The following MAPRE2 variants were observed in gnomAD, a reference collection of about 807,000 sequenced individuals.
MAPRE2 encodes the protein microtubule associated protein RP/EB family member 2, also known as microtubule-associated protein RP/EB family member 2.
MAPRE2 carries 13 observed loss-of-function variants against 43.2 expected under a neutral mutation model. The ratio of observed to expected loss-of-function variants is 0.30; its 90% CI spans 0.20 to 0.48. The LOEUF (loss-of-function observed/expected upper bound fraction) is 0.48. Ranked by LOEUF, MAPRE2 falls within the 20% of genes least tolerant of loss-of-function variation. MAPRE2 has a pLI of 0.99. For synonymous variants in MAPRE2, 135 were observed against 148.8 expected (o/e 0.91, Z 0.68); for missense variants, 161 against 400.2 (o/e 0.40, Z 5.10).
intron 1 of MAPRE2, among the ~76,000 whole-genome samples, chr18:35,002,674 C>A (rs1264936013): frequency 1.3e-5 from 2 of 151,868 alleles, no homozygotes; most frequent in African/African-American, 2.4e-5. Flanking sequence ...ATGTTGTATA[C>A]CATTTAATAT....
chr18:34,977,458 G>A (rs545772596), intron 1 of MAPRE2, among the ~76,000 whole-genome samples: 1 of 152,332 alleles, frequency 6.6e-6, no homozygotes, highest in East Asian at 1.9e-4. Context: ...GTGAAGGAGG[G>A]GGGCTCGCGA....
intron 4 of MAPRE2, among the ~76,000 whole-genome samples, chr18:35,111,602 A>G (rs973631222): frequency 1.3e-5 from 2 of 152,202 alleles, no homozygotes; most frequent in Non-Finnish European, 2.9e-5. Context: ...TTAGAGTCCA[A>G]GGGAAAAATA....
At chr18:35,039,762 T>C (rs1249677534), upstream of MAPRE2, among the ~76,000 whole-genome samples, 1 of 152,220 alleles carries the variant, frequency 6.6e-6, no homozygotes, top group African/African-American at 2.4e-5. Context: ...TATCACAAAA[T>C]GATAAAGCTG....
intron 1 of MAPRE2, among the ~76,000 whole-genome samples, chr18:34,991,993 A>G (rs1185509725): frequency 6.6e-6 from 1 of 152,000 alleles, no homozygotes; most frequent in African/African-American, 2.4e-5. Context: ...AGCTGTGTGA[A>G]TTTTTTCGTT....
In MAPRE2 at chr18:35,127,092, T is replaced by C. The variant is rs755535380; in HGVS notation, c.750+5T>C. The C allele has an allele frequency of 1.9e-6, 3 of 1,613,956 alleles. No homozygotes were observed. Among genetic ancestry groups the C allele is most frequent in the Non-Finnish European group, 2.5e-6 (3 of 1,179,994 alleles). The stretch of plus-strand genomic sequence containing the variant: ...GTCATACAGCTTAATGAACAGGTAA[T>C]GCATCAGCTCTGGCCACGCCTCTAG... On this transcript the variant is annotated splice_donor_5th_base_variant and intron_variant, in intron 5 of 6. Transcript: ENST00000300249.
intron 1 of MAPRE2, among the ~76,000 whole-genome samples, chr18:35,000,850 C>T (rs946408576): frequency 2.0e-5 from 3 of 152,112 alleles, no homozygotes; most frequent in African/African-American, 2.4e-5. Context: ...TGTGTGTTGG[C>T]GATTAAAATT....
chr18:35,117,422 G>A (rs1178781453), intron 4 of MAPRE2, among the ~76,000 whole-genome samples: 1 of 152,228 alleles, frequency 6.6e-6, no homozygotes, highest in African/African-American at 2.4e-5. Flanking sequence ...GTCAACAGGG[G>A]TTCTGACTGG....
intron 4 of MAPRE2, among the ~76,000 whole-genome samples, chr18:35,114,914 A>G (rs750972676): frequency 6.6e-6 from 1 of 152,230 alleles, no homozygotes; most frequent in Non-Finnish European, 1.5e-5. Context: ...GCCTAGCTGT[A>G]AACCTCGCCA....
rs926686182 is a variant in MAPRE2, at chr18:35,142,535, T to TAAAC, written c.*2168_*2171dup. On this transcript the variant is annotated 3_prime_UTR_variant, in exon 7 of 7. Coordinates refer to ENST00000300249, the MANE Select transcript of MAPRE2 (RefSeq NM_014268.4). ...TCCAGCTCCCCAGCCTTCTCAGTTA[T>TAAAC]AAACATGCTGGCCAGATCTCTTAGC... 2.6e-5 allele frequency: 4 copies of TAAAC among 152,446 alleles called. No individual in the cohort carries two copies. The highest frequency in any genetic ancestry group is 9.6e-5 in the African/African-American group (4 of 41,468). The allele number at this position is 152,446 out of a possible 1,614,324, so 9.4% of individuals were successfully genotyped here. A position where few individuals can be genotyped will look rare whatever the true frequency, so the allele number is the denominator to read the frequency against.
chr18:34,989,772 G>A (rs990801101), intron 1 of MAPRE2, among the ~76,000 whole-genome samples: 1 of 151,894 alleles, frequency 6.6e-6, no homozygotes, highest in Non-Finnish European at 1.5e-5. Flanking sequence ...CATCACCTGG[G>A]AGCATCTCAT....
At chr18:35,009,635 T>A (rs1337781751) in intron 2 of MAPRE2, among the ~76,000 whole-genome samples, 1 of 152,214 alleles carries the variant, frequency 6.6e-6, no homozygotes, top group Non-Finnish European at 1.5e-5. Flanking sequence ...AAAGTTGGCC[T>A]GCATTGACAG....
At chr18:34,991,018 T>G (rs2097023497) in intron 1 of MAPRE2, among the ~76,000 whole-genome samples, 1 of 152,134 alleles carries the variant, frequency 6.6e-6, no homozygotes, top group Non-Finnish European at 1.5e-5. Flanking sequence ...CTGCTTTTTG[T>G]TTTTCAACTT....
intron 6 of MAPRE2, among the ~76,000 whole-genome samples, chr18:35,133,926 C>T (rs1910276106): frequency 6.6e-6 from 1 of 152,188 alleles, no homozygotes; most frequent in African/African-American, 2.4e-5. Flanking sequence ...ATCCCAGCAC[C>T]ACCTTGCCAC....
intron 1 of MAPRE2, among the ~76,000 whole-genome samples, chr18:34,994,118 A>C (rs941345006): frequency 6.7e-6 from 1 of 149,908 alleles, no homozygotes; most frequent in Admixed American, 6.7e-5. Flanking sequence ...TCTCCAGTAC[A>C]TTGTACTAAC....
intron 2 of MAPRE2, among the ~76,000 whole-genome samples, chr18:35,094,875 C>CA (rs1908330324): frequency 6.6e-6 from 1 of 152,140 alleles, no homozygotes; most frequent in Admixed American, 6.5e-5. Context: ...TTCCTCAACT[C>CA]AGATACTGAG....
At chr18:35,115,845 T>C (rs550692328) in intron 4 of MAPRE2, among the ~76,000 whole-genome samples, 1 of 152,356 alleles carries the variant, frequency 6.6e-6, no homozygotes, top group Admixed American at 6.5e-5. Context: ...TGTGCATGTG[T>C]CTTTTTCATA....
rs189053124 is a variant in MAPRE2, at chr18:35,119,960, G to A, written c.611-6988G>A. Among the ~76,000 whole-genome samples the A allele has an allele frequency of 5.7e-3, 872 of 152,292 alleles. 7 individuals are homozygous for A. The highest frequency in any genetic ancestry group is 0.02 in the African/African-American group (841 of 41,560). On this transcript the variant is annotated intron_variant, in intron 4 of 6. Coordinates refer to ENST00000300249, the MANE Select transcript of MAPRE2 (RefSeq NM_014268.4). ...AGTAATGTAAGCTACCATTTATTGAGCACATGCTGTGTGCCAGACCCTTGT... is the reference window on the plus strand; with the variant it reads ...AGTAATGTAAGCTACCATTTATTGAACACATGCTGTGTGCCAGACCCTTGT...
intron 2 of MAPRE2, among the ~76,000 whole-genome samples, chr18:35,083,112 A>G (rs895295700): frequency 6.6e-6 from 1 of 152,216 alleles, no homozygotes; most frequent in African/African-American, 2.4e-5. Flanking sequence ...AAATTAGATA[A>G]GATCTCATAT....
intron 1 of MAPRE2, among the ~76,000 whole-genome samples, chr18:34,977,326 C>T (rs1187160031): frequency 6.6e-6 from 1 of 152,172 alleles, no homozygotes; most frequent in Non-Finnish European, 1.5e-5. Context: ...GGTTCGGTGC[C>T]CCAGCTCTGT....
Sources: gnomAD v4.1 joint callset for allele counts (sites outside exome capture counted in the v4.1 genomes callset) on GRCh38, gnomAD v4.1.1 for gene constraint, MANE v1.5 for transcripts, NCBI Gene and HGNC (gene_info 2026-07-23, HGNC 2026-07-21) for gene names.